Variants in ADAM19 observed in about 807,000 individuals in gnomAD.
ADAM19 encodes disintegrin and metalloproteinase domain-containing protein 19.
In ADAM19, 65 loss-of-function variants were observed where a neutral mutation model predicts 114.7. The ratio of observed to expected loss-of-function variants is 0.57; its 90% CI spans 0.46 to 0.70. ADAM19 has a LOEUF of 0.70. Ranked by LOEUF, ADAM19 falls within the 30% of genes least tolerant of loss-of-function variation. The pLI is 0.00. For missense variants in ADAM19, 1,063 were observed against 1,204.7 expected, an observed-to-expected ratio of 0.88 and a Z score of 1.74; for synonymous variants, 466 against 460.5, an observed-to-expected ratio of 1.01 and a Z score of -0.15.
At position 157,477,879 on chromosome 5, in the gene ADAM19, T is replaced by C. The variant is rs933244632; in HGVS notation, c.*3070A>G. Reference sequence around the variant, plus strand: ...ACAAAAAAACACTCCAACCAGAAAATCAGCAAGTCTCAGACCTTAAGATCT... The same window carrying C: ...ACAAAAAAACACTCCAACCAGAAAACCAGCAAGTCTCAGACCTTAAGATCT... On this transcript the variant is annotated 3_prime_UTR_variant, in exon 23 of 23. Transcript: ENST00000257527. The C allele has an allele frequency of 1.2e-5, 5 of 410,868 alleles. No homozygotes were observed. The highest frequency in any genetic ancestry group is 8.3e-5 in the African/African-American group (4 of 48,036). The allele number at this position is 410,868 out of a possible 1,614,324, so 25.5% of individuals were successfully genotyped here.
intron 21 of ADAM19, among the ~76,000 whole-genome samples, chr5:157,485,903 A>T (rs897127523): frequency 1.3e-5 from 2 of 152,218 alleles, no homozygotes; most frequent in African/African-American, 4.8e-5. Flanking sequence ...TGTTGCAGTG[A>T]CACATATCCC....
At chr5:157,543,499 T>C (rs934815463) in intron 3 of ADAM19, among the ~76,000 whole-genome samples, 1 of 152,202 alleles carries the variant, frequency 6.6e-6, no homozygotes. Flanking sequence ...TGTAAGATGT[T>C]AGAATAGTGC....
chr5:157,493,460 C>G (rs976389025), intron 15 of ADAM19, among the ~76,000 whole-genome samples: 2 of 152,152 alleles, frequency 1.3e-5, no homozygotes, highest in Admixed American at 1.3e-4. Context: ...AGCAATCTTT[C>G]CCTTTTTGCC....
intron 3 of ADAM19, among the ~76,000 whole-genome samples, chr5:157,557,531 T>C (rs1382592203): frequency 2.0e-5 from 3 of 152,234 alleles, no homozygotes. Context: ...TGATATCATG[T>C]GTCCAATATT....
chr5:157,494,857 T>C (rs1755304667), intron 14 of ADAM19, 62 bp from the exon 15 acceptor site: 1 of 1,351,442 alleles, frequency 7.4e-7, no homozygotes, highest in South Asian at 1.2e-5. Flanking sequence ...AGGGCAAAGG[T>C]ATCTTTGGTA....
chr5:157,540,619 G>C (rs917839438), intron 3 of ADAM19, among the ~76,000 whole-genome samples: 1 of 152,040 alleles, frequency 6.6e-6, no homozygotes, highest in Non-Finnish European at 1.5e-5. Flanking sequence ...CTTCTCCCCG[G>C]CCCCCAGCAC....
chr5:157,491,137 T>A (rs1050157820), intron 18 of ADAM19, among the ~76,000 whole-genome samples: 5 of 151,892 alleles, frequency 3.3e-5, no homozygotes, highest in Admixed American at 6.6e-5. Flanking sequence ...GCTATTTTTT[T>A]TAAAAAAAAA....
chr5:157,566,621 C>A (rs1757670560), intron 2 of ADAM19: 1 of 152,186 alleles, frequency 6.6e-6, no homozygotes. Flanking sequence ...AGGATATTTA[C>A]ATATTTAAAA....
Position 157,480,853 on chromosome 5 carries a change from A to C in ADAM19, c.*96T>G. 2.5e-6 allele frequency: 4 copies of C among 1,588,232 alleles called. No homozygotes were observed. The highest frequency in any genetic ancestry group is 3.4e-6 in the Non-Finnish European group (4 of 1,168,376). On this transcript the variant is annotated 3_prime_UTR_variant, in exon 23 of 23. Transcript: ENST00000257527. ...TCCTGGAGGAGGGTGGGAGGAGCTC[A>C]GAGGCGGCCAGACATGCTTCTTCAG...
chr5:157,493,280 C>T lies in ADAM19; in HGVS notation c.1704-103G>A, dbSNP rs182192970. 6.5e-4 allele frequency: 847 copies of T among 1,295,870 alleles called. 2 individuals carry two copies. The highest frequency in any genetic ancestry group is 2.8e-3 in the Middle Eastern group (13 of 4,588). The allele number at this position is 1,295,870 out of a possible 1,614,324, so 80.3% of individuals were successfully genotyped here. ...TTTCTTGATCAAGACAGCAGGCTTG[C>T]GTGGGGTGGGGCAAAGGTTTAGGGC... On this transcript the variant is annotated intron_variant, in intron 15 of 22. Transcript: ENST00000257527.
At position 157,497,036 on chromosome 5, in the gene ADAM19, C is replaced by T. The variant is rs766130387; in HGVS notation, c.1452G>A (p.Pro484=). Residue 484 remains proline (P), a synonymous_variant, in exon 14 of 23, where the codon CCG becomes CCA. Coordinates refer to ENST00000257527, the MANE Select transcript of ADAM19 (RefSeq NM_033274.5). ...CREQARQCDL[P]EFCTGKSPHC... is the part of the protein sequence containing the mutation. ...GGGGAGACTTGCCCGTACAGAACTC[C>T]GGGAGGTCACACTGCCTGGCCTGCT... 10 of 1,576,378 alleles carry T rather than the reference C, an allele frequency of 6.3e-6. No individual in the cohort carries two copies. Among genetic ancestry groups the T allele is most frequent in the Admixed American group, 3.8e-5 (2 of 52,710 alleles).
At chr5:157,499,299 C>T (rs1379952540) in intron 13 of ADAM19, among the ~76,000 whole-genome samples, 1 of 151,998 alleles carries the variant, frequency 6.6e-6, no homozygotes. Context: ...TAAAATCAAG[C>T]CCACTCTCTC....
chr5:157,513,644 C>T (rs1756000619), intron 7 of ADAM19, 139 bp from the exon 8 acceptor site: 1 of 736,146 alleles, frequency 1.4e-6, no homozygotes, highest in Non-Finnish European at 2.3e-6. Flanking sequence ...TTGTCTTCCC[C>T]ACCACAGTAA....
At chr5:157,503,084 C>T (rs1755620576) in intron 11 of ADAM19, 104 bp from the exon 12 acceptor site, 1 of 1,029,006 alleles carries the variant, frequency 9.7e-7, no homozygotes, top group Non-Finnish European at 1.4e-6. Flanking sequence ...CTGACTCCAC[C>T]TGGGTTCAGA....
chr5:157,572,099 C>A (rs1396227516), intron 1 of ADAM19, among the ~76,000 whole-genome samples: 12 of 142,378 alleles, frequency 8.4e-5, no homozygotes, highest in Non-Finnish European at 1.7e-4. Context: ...TTTTTTTTTT[C>A]TTTTGAGACG....
chr5:157,523,531 C>T lies in ADAM19; in HGVS notation c.408-3500G>A, dbSNP rs1018429826. 3.3e-5 allele frequency among the ~76,000 whole-genome samples: 5 copies of T among 152,020 alleles called. No individual in the cohort carries two copies. The East Asian group carries it at 7.7e-4, about 23-fold the overall frequency. ...GCTGGTTATTAAAAAGAGCCTGGCA[C>T]CTCCTCCCTTTCTCTCTCACTTTCT... On this transcript the variant is annotated intron_variant, in intron 5 of 22. Transcript: ENST00000257527.
chr5:157,479,661 A>C lies in ADAM19; in HGVS notation c.*1288T>G, dbSNP rs1754688336. ...TAAGGGCAGTGACCAGAGAGAGAAC[A>C]AAAGGAAGTGAATGACAAAAAGCTG... On this transcript the variant is annotated 3_prime_UTR_variant, in exon 23 of 23. Transcript: ENST00000257527. 4.1e-6 allele frequency: 4 copies of C among 986,058 alleles called. No homozygotes were observed. The highest frequency in any genetic ancestry group is 4.8e-6 in the Non-Finnish European group (4 of 830,116). 61.1% of individuals were successfully genotyped at this position (986,058 alleles called of 1,614,324 possible). A position where few individuals can be genotyped will look rare whatever the true frequency, so the allele number is the denominator to read the frequency against.
At chr5:157,558,365 G>A (rs964252553) in intron 3 of ADAM19, among the ~76,000 whole-genome samples, 7 of 152,210 alleles carry the variant, frequency 4.6e-5, no homozygotes, top group African/African-American at 1.4e-4. Context: ...TGCGAGTAGA[G>A]TTTGGAAAAA....
chr5:157,493,236 G>A (rs1269927887), intron 15 of ADAM19, 59 bp from the exon 16 acceptor site: 3 of 1,562,578 alleles, frequency 1.9e-6, no homozygotes, highest in Non-Finnish European at 2.6e-6. Flanking sequence ...AAGAGCTGGG[G>A]CACCAGAGAG....
Sources: gnomAD v4.1 joint callset for allele counts (sites outside exome capture counted in the v4.1 genomes callset) on GRCh38, gnomAD v4.1.1 for gene constraint, MANE v1.5 for transcripts, NCBI Gene and HGNC (gene_info 2026-07-23, HGNC 2026-07-21) for gene names.